TMEM135: variants seen among roughly 807,000 people sequenced by gnomAD.
TMEM135 encodes peroxisomal membrane protein 52.
Under a neutral mutation model 60.3 loss-of-function variants are expected in TMEM135, and 30 were observed. The ratio of observed to expected loss-of-function variants is 0.50; its 90% confidence interval spans 0.37 to 0.68. The LOEUF (loss-of-function observed/expected upper bound fraction) is 0.68, where lower values mean the gene tolerates loss of function less well. TMEM135 is among the 30% of genes least tolerant of loss of function. TMEM135 has a pLI of 0.00. For synonymous variants in TMEM135, 190 were observed against 186.7 expected, an observed-to-expected ratio of 1.02 and a Z score of -0.14; for missense variants, 468 against 548.8, an observed-to-expected ratio of 0.85 and a Z score of 1.47.
At chr11:87,145,555 A>G (rs958501015) in intron 4 of TMEM135, among the ~76,000 whole-genome samples, 1 of 152,166 alleles carries the variant, frequency 6.6e-6, no homozygotes, top group Non-Finnish European at 1.5e-5. Flanking sequence ...CCAAGAGTAT[A>G]TAAAGGTTCC....
At position 87,216,809 on chromosome 11, in the gene TMEM135, T is replaced by G. The variant is rs1427651923; in HGVS notation, c.463-19829T>G. 2.0e-5 allele frequency among the ~76,000 whole-genome samples: 3 copies of G among 152,238 alleles called. No homozygotes were observed. In the East Asian group the frequency reaches 5.8e-4, roughly 29 times the overall value. On this transcript the variant is annotated intron_variant, in intron 5 of 14. Transcript: ENST00000305494. Reference sequence around the variant, plus strand: ...CAATTGAGGGATTTAAATGCTTTGATTTGATCAATTACTTTAAAATGATGC... The same window carrying G: ...CAATTGAGGGATTTAAATGCTTTGAGTTGATCAATTACTTTAAAATGATGC...
At chr11:87,221,843 C>T (rs745495600) in intron 5 of TMEM135, among the ~76,000 whole-genome samples, 1 of 152,080 alleles carries the variant, frequency 6.6e-6, no homozygotes, top group Non-Finnish European at 1.5e-5. Flanking sequence ...GCTCTAGACT[C>T]ACTGGATATT....
intron 6 of TMEM135, among the ~76,000 whole-genome samples, chr11:87,253,631 CCATATA>C: frequency 6.9e-5 from 1 of 14,580 alleles, no homozygotes; most frequent in Admixed American, 7.5e-4. Context: ...AAAGGATGAG[CCATATA>C]TATATATATA....
At chr11:87,265,983 T>A (rs1941740405) in intron 6 of TMEM135, among the ~76,000 whole-genome samples, 1 of 152,152 alleles carries the variant, frequency 6.6e-6, no homozygotes, top group African/African-American at 2.4e-5. Flanking sequence ...TAAAAGGTTT[T>A]CTTGAAATCC....
At position 87,328,404 on chromosome 11, in the gene TMEM135, G is replaced by A; in HGVS notation, c.*7071G>A. On this transcript the variant is annotated 3_prime_UTR_variant, in exon 15 of 15. Coordinates refer to ENST00000305494, the MANE Select transcript of TMEM135 (RefSeq NM_022918.4). ...GCTTTTGGGGTACAAGTGGTTTTTG[G>A]TTGCATGGATGAATTGTATATTGGT... 2.2e-6 allele frequency: 1 copy of A among 453,934 alleles called. No homozygotes were observed. The highest frequency in any genetic ancestry group is 4.4e-6 in the Non-Finnish European group (1 of 226,762). The allele number at this position is 453,934 out of a possible 1,614,324, so 28.1% of individuals were successfully genotyped here. A position where few individuals can be genotyped will look rare whatever the true frequency, so the allele number is the denominator to read the frequency against.
At position 87,059,064 on chromosome 11, in the gene TMEM135, A is replaced by G. The variant is rs190296482; in HGVS notation, c.142-8630A>G. On this transcript the variant is annotated intron_variant, in intron 1 of 14. Coordinates refer to ENST00000305494, the MANE Select transcript of TMEM135 (RefSeq NM_022918.4). ...GCAATTCTCCTGCCTCAGCCTCCCA[A>G]GTAGCTGGGATTACAGGCACCCACC... is the stretch of plus-strand genomic sequence containing the variant. Among the ~76,000 whole-genome samples the G allele has an allele frequency of 3.7e-3, 564 of 151,796 alleles. 4 individuals carry two copies. The highest frequency in any genetic ancestry group is 7.6e-3 in the Admixed American group (116 of 15,246).
At chr11:87,082,320 AC>A (rs944399657) in intron 3 of TMEM135, among the ~76,000 whole-genome samples, 2 of 152,176 alleles carry the variant, frequency 1.3e-5, no homozygotes, top group African/African-American at 4.8e-5. Flanking sequence ...TTCTTGACTT[AC>A]CACGAATTTA....
chr11:87,212,002 G>A (rs909084626), intron 5 of TMEM135, among the ~76,000 whole-genome samples: 2 of 151,924 alleles, frequency 1.3e-5, no homozygotes, highest in Admixed American at 6.6e-5. Flanking sequence ...AAGATCTTGG[G>A]CATTTTTATC....
At chr11:87,072,179 G>A (rs1325076035) in intron 3 of TMEM135, among the ~76,000 whole-genome samples, 1 of 152,150 alleles carries the variant, frequency 6.6e-6, no homozygotes, top group East Asian at 1.9e-4. Context: ...GGGCAACAGA[G>A]TGAGACTCCT....
intron 2 of TMEM135, among the ~76,000 whole-genome samples, chr11:87,068,539 G>A (rs79153954): frequency 0.056 from 8,459 of 152,150 alleles, 757 homozygotes; most frequent in African/African-American, 0.19. Flanking sequence ...GACCGGGCGC[G>A]GTGGCTCACG....
rs34112632 is a variant in TMEM135, at chr11:87,278,984, AT to A, written c.510-16785del. Among the ~76,000 whole-genome samples, 330 of 148,296 alleles carry A rather than the reference AT, an allele frequency of 2.2e-3. 1 individual carries two copies. The highest frequency in any genetic ancestry group is 0.017 in the East Asian group (84 of 5,006). On this transcript the variant is annotated intron_variant, in intron 6 of 14. Coordinates refer to ENST00000305494, the MANE Select transcript of TMEM135 (RefSeq NM_022918.4). Reference sequence around the variant, plus strand: ...CCTTTGTGTCTGGCTGCTTCTCAGCATTTTTTTTTTTTTGAAATTCATCTAT... The same window carrying A: ...CCTTTGTGTCTGGCTGCTTCTCAGCATTTTTTTTTTTTGAAATTCATCTAT...
At chr11:87,243,444 A>G (rs1361507029) in intron 6 of TMEM135, among the ~76,000 whole-genome samples, 1 of 124,472 alleles carries the variant, frequency 8.0e-6, no homozygotes, top group African/African-American at 3.2e-5. Context: ...TACCTTGGGC[A>G]GTATGGCCAT....
At chr11:87,186,956 T>A (rs1939669616) in intron 5 of TMEM135, among the ~76,000 whole-genome samples, 1 of 152,126 alleles carries the variant, frequency 6.6e-6, no homozygotes, top group Non-Finnish European at 1.5e-5. Flanking sequence ...AAAATATAAT[T>A]ATTGTGTAGT....
rs1228375421 is a variant in TMEM135 at position 87,241,375 on chromosome 11, A to T, written c.509+4691A>T. Among the ~76,000 whole-genome samples the T allele has an allele frequency of 2.0e-5, 3 of 152,216 alleles. No individual in the cohort carries two copies. The East Asian group carries it at 5.8e-4, about 29-fold the overall frequency. The stretch of plus-strand genomic sequence containing the variant: ...AATTTTTAAAATTTTTAATTTTTAT[A>T]GGTATATAGTAGGTGTATATACTTA... On this transcript the variant is annotated intron_variant, in intron 6 of 14. Coordinates refer to ENST00000305494, the MANE Select transcript of TMEM135 (RefSeq NM_022918.4).
chr11:87,057,527 T>C (rs929594922), intron 1 of TMEM135, among the ~76,000 whole-genome samples: 1 of 152,202 alleles, frequency 6.6e-6, no homozygotes, highest in Non-Finnish European at 1.5e-5. Context: ...TTGCGATTTA[T>C]GATGCGATTT....
rs754888176 is a variant in TMEM135, at chr11:87,319,413, A to AAATAGTCATATT, written c.1244+36_1244+37insAATAGTCATATT. The AAATAGTCATATT allele has an allele frequency of 4.1e-5, 60 of 1,455,970 alleles. No homozygotes were observed. In the African/African-American group the frequency reaches 7.5e-4, roughly 18 times the overall value. 90.2% of individuals were successfully genotyped at this position (1,455,970 alleles called of 1,614,324 possible). On this transcript the variant is annotated intron_variant, in intron 14 of 14. Coordinates refer to ENST00000305494, the MANE Select transcript of TMEM135 (RefSeq NM_022918.4). ...ACGTAGTTTTCTTAAAAATATTATGAGTGGTTTTATCTTTTTGAGGGAATA... is the reference window on the plus strand; with the variant it reads ...ACGTAGTTTTCTTAAAAATATTATGAAATAGTCATATTGTGGTTTTATCTTTTTGAGGGAATA...
intron 5 of TMEM135, among the ~76,000 whole-genome samples, chr11:87,175,113 G>A (rs1253336377): frequency 6.6e-6 from 1 of 152,100 alleles, no homozygotes; most frequent in Non-Finnish European, 1.5e-5. Flanking sequence ...TGAACCACAA[G>A]AGGAAGAAGA....
In TMEM135 at chr11:87,094,161, G is replaced by A. The variant is rs193224958; in HGVS notation, c.396+2766G>A. ...ATAGACTCTGGGTTTTTAATTGGTC[G>A]TGAAACTTTGATTGCTTTGGTGTCA... On this transcript the variant is annotated intron_variant, in intron 4 of 14. Coordinates refer to ENST00000305494, the MANE Select transcript of TMEM135 (RefSeq NM_022918.4). Among the ~76,000 whole-genome samples, 58 of 152,134 alleles carry A rather than the reference G, an allele frequency of 3.8e-4. 1 individual carries two copies. Among genetic ancestry groups the A allele is most frequent in the Non-Finnish European group, 1.9e-4 (13 of 68,012 alleles).
Position 87,321,928 on chromosome 11 carries a change from T to TA in TMEM135, c.*598dup, listed in dbSNP as rs1190994209. 1 of 454,338 alleles carries TA rather than the reference T, an allele frequency of 2.2e-6. No individual in the cohort carries two copies. The highest frequency in any genetic ancestry group is 2.4e-5 in the Admixed American group (1 of 42,524). The allele number at this position is 454,338 out of a possible 1,614,324, so 28.1% of individuals were successfully genotyped here. A position where few individuals can be genotyped will look rare whatever the true frequency, so the allele number is the denominator to read the frequency against. ...AAAGATGGGTCTCATACCATTTGGA[T>TA]AAATGTCGTGGTATCCATGCTTTTT... On this transcript the variant is annotated 3_prime_UTR_variant, in exon 15 of 15. Coordinates refer to ENST00000305494, the MANE Select transcript of TMEM135 (RefSeq NM_022918.4).
Sources: allele counts gnomAD v4.1 joint callset (sites outside exome capture counted in the v4.1 genomes callset), GRCh38; gene constraint gnomAD v4.1.1; transcripts MANE v1.5; gene names NCBI Gene and HGNC (gene_info 2026-07-23, HGNC 2026-07-21).